CACNA1E: variants seen among roughly 807,000 people sequenced by gnomAD.
CACNA1E encodes the protein voltage-dependent R-type calcium channel subunit alpha-1E.
In CACNA1E, 40 loss-of-function variants were observed where a neutral mutation model predicts 259.2. The ratio of observed to expected loss-of-function variants is 0.15; its 90% CI spans 0.12 to 0.20. The LOEUF (loss-of-function observed/expected upper bound fraction) is 0.20. Among genes scored for constraint, CACNA1E ranks in the 10% least tolerant of loss-of-function variants. The pLI is 1.00. For synonymous variants in CACNA1E, 1,104 were observed against 1,138.5 expected (o/e 0.97, Z 0.61); for missense variants, 1,874 against 3,040.1 (o/e 0.62, Z 9.02).
intron 1 of CACNA1E, among the ~76,000 whole-genome samples, chr1:181,393,879 CA>C (rs1423135567): frequency 2.6e-5 from 4 of 152,186 alleles, no homozygotes; most frequent in Non-Finnish European, 5.9e-5. Context: ...AAGCAGGTAC[CA>C]AGAACCTTTT....
At chr1:181,787,758 G>A (rs1660969716) in intron 43 of CACNA1E, among the ~76,000 whole-genome samples, 1 of 152,200 alleles carries the variant, frequency 6.6e-6, no homozygotes, top group South Asian at 2.1e-4. Flanking sequence ...TCCTGAGGAA[G>A]TAACATTTGA....
intron 1 of CACNA1E, among the ~76,000 whole-genome samples, chr1:181,399,192 T>C (rs1326221661): frequency 6.6e-6 from 1 of 151,864 alleles, no homozygotes; most frequent in East Asian, 1.9e-4. Context: ...CAATTAGCTT[T>C]TCACAGGGAA....
At chr1:181,630,462 A>G (rs1011162843) in intron 6 of CACNA1E, among the ~76,000 whole-genome samples, 3 of 151,736 alleles carry the variant, frequency 2.0e-5, no homozygotes, top group Non-Finnish European at 4.4e-5. Context: ...ACATTTGTCA[A>G]TTACTTCACA....
At chr1:181,568,075 T>G (rs745310601) in intron 3 of CACNA1E, among the ~76,000 whole-genome samples, 3 of 152,150 alleles carry the variant, frequency 2.0e-5, no homozygotes, top group African/African-American at 7.2e-5. Flanking sequence ...TTCTAGAACA[T>G]AGGTCAATTG....
intron 3 of CACNA1E, among the ~76,000 whole-genome samples, chr1:181,550,670 G>A (rs1648033637): frequency 1.3e-5 from 2 of 152,010 alleles, no homozygotes; most frequent in African/African-American, 4.8e-5. Flanking sequence ...GCTGGCATTT[G>A]TTTGAGAAGC....
chr1:181,733,748 A>T lies in CACNA1E; in HGVS notation c.3260A>T (p.His1087Leu). ...CCCTTGGTGGACTCAACCGTGGTGC[A>T]CAGTGAGAGCACAGTCCCTGTTCCC... ...VDPLVDSTVV[H>L]ISNKTDGEAS... Residue 1087 changes from histidine to leucine, a missense_variant and splice_region_variant, in exon 21 of 48, where the codon CAC (histidine) becomes CTC (leucine). Physicochemically the swap from His to Leu is moderately conservative, Grantham distance 99. Coordinates refer to ENST00000367573, the MANE Select transcript of CACNA1E (RefSeq NM_001205293.3). 1 of 1,541,414 alleles carries T rather than the reference A, an allele frequency of 6.5e-7. No individual in the cohort carries two copies. Among genetic ancestry groups the T allele is most frequent in the Non-Finnish European group, 8.8e-7 (1 of 1,142,166 alleles).
chr1:181,567,823 A>G (rs373996417), intron 3 of CACNA1E, among the ~76,000 whole-genome samples: 3 of 152,184 alleles, frequency 2.0e-5, no homozygotes, highest in East Asian at 3.9e-4. Flanking sequence ...GAGGGTCATG[A>G]AATGCATTTA....
chr1:181,561,174 A>G (rs1387256787), intron 3 of CACNA1E, among the ~76,000 whole-genome samples: 1 of 152,186 alleles, frequency 6.6e-6, no homozygotes, highest in Non-Finnish European at 1.5e-5. Flanking sequence ...GTTGTACAAC[A>G]ATAGGAATGT....
Position 181,726,060 on chromosome 1 carries a change from T to C in CACNA1E, c.2143-5T>C, listed in dbSNP as rs748224132. 4 of 1,607,822 alleles carry C rather than the reference T, an allele frequency of 2.5e-6. No individual in the cohort carries two copies. The highest frequency in any genetic ancestry group is 2.6e-6 in the Non-Finnish European group (3 of 1,175,868). On this transcript the variant is annotated splice_polypyrimidine_tract_variant and splice_region_variant and intron_variant, in intron 17 of 47. Coordinates refer to ENST00000367573, the MANE Select transcript of CACNA1E (RefSeq NM_001205293.3). ...CAGGCAAAGCCATCTCTGCTTTGTG[T>C]CTAGGATGAACAGGAGGAAGAAGAG... is the stretch of plus-strand genomic sequence containing the variant.
At chr1:181,779,856 A>C (rs199934) in intron 38 of CACNA1E, among the ~76,000 whole-genome samples, 30,860 of 151,238 alleles carry the variant, frequency 0.2, 3,197 homozygotes, top group South Asian at 0.3. Context: ...ACACAGGTCC[A>C]CCTTAGTCTG....
rs1033531217 is a variant in CACNA1E, at chr1:181,720,148, C to T, written c.1752-58C>T. 10 of 1,602,476 alleles carry T rather than the reference C, an allele frequency of 6.2e-6. No individual in the cohort carries two copies. The African/African-American group carries it at 1.2e-4, about 19-fold the overall frequency. ...ACTACCAGGCATATGCTGAGCTGGG[C>T]TTGGTGGGTGACTTGGTATGCAGTG... On this transcript the variant is annotated intron_variant, in intron 13 of 47. Coordinates refer to ENST00000367573, the MANE Select transcript of CACNA1E (RefSeq NM_001205293.3).
intron 6 of CACNA1E, among the ~76,000 whole-genome samples, chr1:181,599,260 C>G (rs1454750698): frequency 1.3e-5 from 2 of 152,204 alleles, no homozygotes; most frequent in African/African-American, 4.8e-5. Flanking sequence ...ATAACAGCCT[C>G]CAGCTCCATC....
intron 6 of CACNA1E, among the ~76,000 whole-genome samples, chr1:181,619,759 A>G (rs1655559908): frequency 1.3e-5 from 2 of 152,326 alleles, no homozygotes; most frequent in African/African-American, 4.8e-5. Context: ...TGAACCTGAC[A>G]TGGGATATGC....
chr1:181,684,619 T>C (rs1214598531), intron 7 of CACNA1E, among the ~76,000 whole-genome samples: 3 of 152,324 alleles, frequency 2.0e-5, no homozygotes. Context: ...AAGTTTTTCA[T>C]TTAAGTCTTT....
At chr1:181,342,798 G>A (rs958100714) in intron 1 of CACNA1E, among the ~76,000 whole-genome samples, 55 of 152,258 alleles carry the variant, frequency 3.6e-4, no homozygotes, top group African/African-American at 1.3e-3. Context: ...TGGGCTTCGG[G>A]GTAGAACTGG....
upstream of CACNA1E, among the ~76,000 whole-genome samples, chr1:181,481,993 G>A (rs1159137121): frequency 1.3e-5 from 2 of 152,156 alleles, no homozygotes; most frequent in Non-Finnish European, 2.9e-5. Context: ...AGGAGACGTC[G>A]GGCAGGGCTT....
At chr1:181,556,992 A>T (rs1277014247) in intron 3 of CACNA1E, among the ~76,000 whole-genome samples, 1 of 152,162 alleles carries the variant, frequency 6.6e-6, no homozygotes, top group South Asian at 2.1e-4. Flanking sequence ...GGCTGTGAAC[A>T]TCGTGCAGTG....
intron 6 of CACNA1E, among the ~76,000 whole-genome samples, chr1:181,632,573 A>G (rs1236553094): frequency 6.6e-6 from 1 of 152,240 alleles, no homozygotes; most frequent in Non-Finnish European, 1.5e-5. Context: ...AATGACAGTC[A>G]TAGCCCATAT....
intron 6 of CACNA1E, among the ~76,000 whole-genome samples, chr1:181,589,735 A>G (rs183813972): frequency 2.8e-4 from 42 of 152,290 alleles, no homozygotes; most frequent in East Asian, 2.3e-3. Flanking sequence ...AAAAGAAAAT[A>G]AAATAAAGTG....
Sources: gnomAD v4.1 joint callset for allele counts (sites outside exome capture counted in the v4.1 genomes callset) on GRCh38, gnomAD v4.1.1 for gene constraint, MANE v1.5 for transcripts, NCBI Gene and HGNC (gene_info 2026-07-23, HGNC 2026-07-21) for gene names.